Variants in B3GALT1 observed in about 807,000 individuals in gnomAD.
B3GALT1 encodes beta-1,3-galactosyltransferase 1.
Under a neutral mutation model 23.2 loss-of-function variants are expected in B3GALT1, and 10 were observed. The ratio of observed to expected loss-of-function variants is 0.43; its 90% confidence interval spans 0.27 to 0.73. B3GALT1 has a LOEUF of 0.73. B3GALT1 is among the 30% of genes least tolerant of loss of function. The pLI is 0.21. For missense variants in B3GALT1, 299 were observed against 405.4 expected (o/e 0.74, Z 2.25); for synonymous variants, 156 against 141.5 (o/e 1.10, Z -0.73).
chr2:167,805,643 C>T (rs188585331), intron 3 of B3GALT1, among the ~76,000 whole-genome samples: 107 of 152,140 alleles, frequency 7.0e-4, no homozygotes, highest in Middle Eastern at 3.4e-3. Context: ...GTTGTAGATA[C>T]GTGGCATTAT....
intron 4 of B3GALT1, among the ~76,000 whole-genome samples, chr2:167,845,014 G>A (rs1387676088): frequency 6.6e-6 from 1 of 152,106 alleles, no homozygotes; most frequent in Non-Finnish European, 1.5e-5. Context: ...AGCAGAGACA[G>A]CCATAATCCT....
intron 3 of B3GALT1, among the ~76,000 whole-genome samples, chr2:167,666,143 T>C (rs1574200089): frequency 6.6e-6 from 1 of 152,232 alleles, no homozygotes; most frequent in East Asian, 1.9e-4. Flanking sequence ...GATTCTGGTA[T>C]GTAGTGTCTT....
chr2:167,835,748 C>T (rs1200655300), intron 4 of B3GALT1, among the ~76,000 whole-genome samples: 1 of 152,216 alleles, frequency 6.6e-6, no homozygotes, highest in Non-Finnish European at 1.5e-5. Flanking sequence ...GGTCCCTGAC[C>T]CCTGAGCAGC....
At chr2:167,796,759 A>G (rs1316090318) in intron 3 of B3GALT1, among the ~76,000 whole-genome samples, 1 of 152,230 alleles carries the variant, frequency 6.6e-6, no homozygotes, top group Non-Finnish European at 1.5e-5. Context: ...TCAAAAAATA[A>G]TAATAATAAA....
chr2:167,765,580 A>G (rs1353393354), intron 3 of B3GALT1, among the ~76,000 whole-genome samples: 1 of 152,204 alleles, frequency 6.6e-6, no homozygotes, highest in African/African-American at 2.4e-5. Flanking sequence ...GAATTTGCCT[A>G]TTGGCCAAAT....
intron 1 of B3GALT1, among the ~76,000 whole-genome samples, chr2:167,455,195 G>A (rs1353339022): frequency 5.9e-5 from 9 of 152,136 alleles, no homozygotes; most frequent in African/African-American, 2.2e-4. Context: ...TAAAAAATAT[G>A]CTCACACATT....
chr2:167,812,512 A>T (rs1688910380), intron 3 of B3GALT1, among the ~76,000 whole-genome samples: 1 of 152,202 alleles, frequency 6.6e-6, no homozygotes, highest in Non-Finnish European at 1.5e-5. Context: ...AAAATTTTAT[A>T]GGTAGATATC....
chr2:167,403,905 C>T (rs575138180), intron 1 of B3GALT1, among the ~76,000 whole-genome samples: 2 of 152,090 alleles, frequency 1.3e-5, no homozygotes, highest in Admixed American at 6.6e-5. Context: ...TTGTTTGGCT[C>T]CCAAGAAGCA....
At chr2:167,333,057 A>C (rs1039285010) in intron 1 of B3GALT1, among the ~76,000 whole-genome samples, 1 of 152,216 alleles carries the variant, frequency 6.6e-6, no homozygotes, top group African/African-American at 2.4e-5. Context: ...AATTCTAGGT[A>C]ATGATGGCAA....
At chr2:167,841,175 TAATA>T (rs143053564) in intron 4 of B3GALT1, among the ~76,000 whole-genome samples, 33 of 136,132 alleles carry the variant, frequency 2.4e-4, no homozygotes, top group East Asian at 6.4e-4. Flanking sequence ...TAAAGTATAA[TAATA>T]AATAAATAAA....
intron 2 of B3GALT1, among the ~76,000 whole-genome samples, chr2:167,635,146 A>G (rs1052005144): frequency 8.5e-5 from 13 of 152,180 alleles, no homozygotes; most frequent in African/African-American, 2.9e-4. Flanking sequence ...ATAAAATTCA[A>G]CACCCCCTTT....
intron 2 of B3GALT1, among the ~76,000 whole-genome samples, chr2:167,641,391 G>A (rs950318612): frequency 3.3e-5 from 5 of 152,074 alleles, no homozygotes; most frequent in African/African-American, 1.2e-4. Context: ...AAATCCAGTA[G>A]TCAGACTTCA....
intron 2 of B3GALT1, among the ~76,000 whole-genome samples, chr2:167,580,060 G>A (rs541055959): frequency 3.9e-5 from 6 of 152,138 alleles, no homozygotes; most frequent in South Asian, 2.1e-4. Flanking sequence ...TGGGAAACAC[G>A]GTGTTGGATA....
chr2:167,425,946 G>C (rs1358635799), intron 1 of B3GALT1, among the ~76,000 whole-genome samples: 1 of 152,068 alleles, frequency 6.6e-6, no homozygotes, highest in Non-Finnish European at 1.5e-5. Flanking sequence ...ATTTTTTGCT[G>C]CTTTAAAGCA....
At chr2:167,671,383 T>C (rs1686323381) in intron 3 of B3GALT1, among the ~76,000 whole-genome samples, 1 of 152,152 alleles carries the variant, frequency 6.6e-6, no homozygotes, top group Non-Finnish European at 1.5e-5. Context: ...GCAAAGAGAA[T>C]ATTCTCCTGT....
intron 1 of B3GALT1, among the ~76,000 whole-genome samples, chr2:167,460,078 T>G (rs898655302): frequency 5.9e-5 from 9 of 152,230 alleles, no homozygotes; most frequent in African/African-American, 2.2e-4. Flanking sequence ...TTAAAATGAT[T>G]CTTGGTGTGA....
At chr2:167,332,429 T>C (rs1696988594) in intron 1 of B3GALT1, among the ~76,000 whole-genome samples, 1 of 152,216 alleles carries the variant, frequency 6.6e-6, no homozygotes. Flanking sequence ...TAAACAGTGT[T>C]AGGTTGCTAA....
intron 1 of B3GALT1, among the ~76,000 whole-genome samples, chr2:167,366,747 C>T (rs965887717): frequency 2.0e-5 from 3 of 152,124 alleles, no homozygotes; most frequent in Non-Finnish European, 4.4e-5. Context: ...AGGATCCACT[C>T]ATAAGGTTAT....
chr2:167,608,747 A>G (rs192282594), intron 2 of B3GALT1, among the ~76,000 whole-genome samples: 1 of 152,340 alleles, frequency 6.6e-6, no homozygotes. Flanking sequence ...AGCAAATCAT[A>G]CATTTGGAGG....
Sources: allele counts gnomAD v4.1 joint callset (sites outside exome capture counted in the v4.1 genomes callset), GRCh38; gene constraint gnomAD v4.1.1; transcripts MANE v1.5; gene names NCBI Gene and HGNC (gene_info 2026-07-23, HGNC 2026-07-21).